The following WDR44 variants were observed in gnomAD, a reference collection of about 807,000 sequenced individuals.
The protein encoded by WDR44 is WD repeat domain 44, also known as WD repeat-containing protein 44.
Under a neutral mutation model 65.7 loss-of-function variants are expected in WDR44, and 9 were observed. The ratio of observed to expected loss-of-function variants is 0.14; its 90% CI spans 0.08 to 0.24. WDR44 has a LOEUF of 0.24. Ranked by LOEUF, WDR44 falls within the 10% of genes least tolerant of loss-of-function variation. The probability of loss-of-function intolerance (pLI) is 1.00; values close to 1 mark genes in which losing one functional copy is unlikely to be tolerated. For missense variants in WDR44, 425 were observed against 670.9 expected (o/e 0.63, Z 4.05); for synonymous variants, 220 against 235.2 (o/e 0.94, Z 0.59).
At chrX:118,436,633 C>T in intron 13 of WDR44, 69 bp from the exon 14 acceptor site, 1 of 1,133,585 alleles carries the variant, frequency 8.8e-7, no homozygotes, top group South Asian at 2.0e-5. Context: ...ACCAAAAGTT[C>T]ACTTTTATTG....
intron 14 of WDR44, among the ~76,000 whole-genome samples, chrX:118,438,411 C>CTTTCT (rs200762627): frequency 7.3e-4 from 79 of 108,066 alleles, no homozygotes; most frequent in South Asian, 8.0e-4. Context: ...TTTTCTTTCT[C>CTTTCT]TTTCTTTTCT....
intron 12 of WDR44, among the ~76,000 whole-genome samples, chrX:118,422,555 G>A (rs941934034): frequency 9.1e-6 from 1 of 110,228 alleles, no homozygotes; most frequent in Non-Finnish European, 1.9e-5. Context: ...AGCTGGGCAT[G>A]GTGGCATGTG....
chrX:118,346,136 T>G lies in WDR44; in HGVS notation c.-368T>G, dbSNP rs1164108240. On this transcript the variant is annotated 5_prime_UTR_variant, in exon 1 of 20. Transcript: ENST00000254029. ...TTTGCGGGCAACTAGCTCTTCCAGC[T>G]GCTGTAAATTGCTGCTGCGGGAGAA... 6.7e-6 allele frequency: 2 copies of G among 300,184 alleles called. No individual in the cohort carries two copies. The highest frequency in any genetic ancestry group is 5.5e-5 in the African/African-American group (2 of 36,464). 24.7% of individuals were successfully genotyped at this position (300,184 alleles called of 1,213,427 possible). A position where few individuals can be genotyped will look rare whatever the true frequency, so the allele number is the denominator to read the frequency against.
At chrX:118,369,492 T>C (rs6646177) in intron 1 of WDR44, among the ~76,000 whole-genome samples, 4,228 of 57,368 alleles carry the variant, frequency 0.074, 328 homozygotes, top group East Asian at 0.27. Flanking sequence ...TTTTTTGAAA[T>C]GGAGTCTTGC....
chrX:118,372,203 T>C (rs4292883), intron 1 of WDR44, among the ~76,000 whole-genome samples: 12,513 of 110,376 alleles, frequency 0.11, 679 homozygotes, highest in Admixed American at 0.25. Context: ...ATGTCTCCAC[T>C]CTCAAACTAA....
intron 14 of WDR44, among the ~76,000 whole-genome samples, chrX:118,439,619 T>C (rs774951900): frequency 1.8e-5 from 2 of 111,081 alleles, no homozygotes; most frequent in South Asian, 7.7e-4. Context: ...TACATAGATG[T>C]ATGTATGTGA....
intron 15 of WDR44, among the ~76,000 whole-genome samples, 163 bp downstream of exon 15, chrX:118,441,722 A>T (rs746882095): frequency 9.0e-6 from 1 of 111,242 alleles, no homozygotes; most frequent in Non-Finnish European, 1.9e-5. Flanking sequence ...GACTTTTGAG[A>T]TGTCTTCTAA....
intron 1 of WDR44, among the ~76,000 whole-genome samples, chrX:118,361,299 C>T (rs375608127): frequency 8.9e-6 from 1 of 111,794 alleles, no homozygotes; most frequent in East Asian, 2.8e-4. Context: ...TTCATGTGTT[C>T]GTTTTTAAAT....
chrX:118,352,352 A>ATTTTTTTT (rs556374639), intron 1 of WDR44, among the ~76,000 whole-genome samples: 1 of 14,224 alleles, frequency 7.0e-5, no homozygotes, highest in African/African-American at 3.7e-4. Flanking sequence ...ATATATATAT[A>ATTTTTTTT]TTTTTTTTTT....
chrX:118,444,545 C>T (rs1477754066), intron 19 of WDR44, 51 bp downstream of exon 19: 3 of 1,136,936 alleles, frequency 2.6e-6, no homozygotes, highest in Middle Eastern at 2.5e-4. Context: ...TTAGTAGCCT[C>T]ATTTATCTCA....
At chrX:118,442,127 G>A (rs1041651641) in intron 15 of WDR44, 117 bp from the exon 16 acceptor site, 4 of 560,132 alleles carry the variant, frequency 7.1e-6, no homozygotes, top group African/African-American at 2.3e-5. Context: ...CTACAGCCTC[G>A]AACTCTTGGG....
intron 1 of WDR44, among the ~76,000 whole-genome samples, chrX:118,369,533 G>A (rs1162052797): frequency 1.6e-4 from 13 of 82,114 alleles, no homozygotes; most frequent in Non-Finnish European, 3.1e-4. Flanking sequence ...GCAGTGGCGG[G>A]ATCTCGGCTC....
At chrX:118,349,042 T>A (rs2056378760) in intron 1 of WDR44, among the ~76,000 whole-genome samples, 2 of 111,941 alleles carry the variant, frequency 1.8e-5, no homozygotes, top group African/African-American at 6.5e-5. Context: ...TCCAATGATG[T>A]CTTCGGCTTT....
intron 2 of WDR44, 95 bp from the exon 3 acceptor site, chrX:118,387,245 T>C (rs2056779184): frequency 2.0e-6 from 1 of 488,752 alleles, no homozygotes; most frequent in African/African-American, 2.6e-5. Flanking sequence ...CTTTGATTTA[T>C]TAATGCTACA....
chrX:118,393,970 G>A (rs2056843523), intron 4 of WDR44, 85 bp from the exon 5 acceptor site: 1 of 882,941 alleles, frequency 1.1e-6, no homozygotes, highest in Non-Finnish European at 1.6e-6. Flanking sequence ...GGAAATGAGA[G>A]TAATCAAGCC....
Position 118,346,454 on chromosome X carries a change from C to G in WDR44, c.-50C>G, listed in dbSNP as rs1441274598. The G allele has an allele frequency of 8.9e-7, 1 of 1,120,436 alleles. No individual in the cohort carries two copies. The highest frequency in any genetic ancestry group is 1.2e-6 in the Non-Finnish European group (1 of 813,441). The allele number at this position is 1,120,436 out of a possible 1,213,427, so 92.3% of individuals were successfully genotyped here. A position where few individuals can be genotyped will look rare whatever the true frequency, so the allele number is the denominator to read the frequency against. ...GTCGACGAGGAGGAGACAAGAGTCACCCTTCCTCCAGGCGGCGCCGGCCCC... is the reference window on the plus strand; with the variant it reads ...GTCGACGAGGAGGAGACAAGAGTCAGCCTTCCTCCAGGCGGCGCCGGCCCC... On this transcript the variant is annotated 5_prime_UTR_variant, in exon 1 of 20. Transcript: ENST00000254029.
chrX:118,422,139 A>C (rs1316916749), intron 12 of WDR44, among the ~76,000 whole-genome samples: 1 of 111,383 alleles, frequency 9.0e-6, no homozygotes. Context: ...CATGCCTATA[A>C]TCCCAGCACT....
intron 2 of WDR44, among the ~76,000 whole-genome samples, chrX:118,385,653 A>T (rs1340458993): frequency 9.0e-6 from 1 of 111,423 alleles, no homozygotes; most frequent in Non-Finnish European, 1.9e-5. Context: ...CCTGAACTTA[A>T]AGTTAAAAAA....
intron 2 of WDR44, among the ~76,000 whole-genome samples, chrX:118,379,218 A>ATT (rs1452407440): frequency 9.0e-6 from 1 of 111,131 alleles, no homozygotes; most frequent in Non-Finnish European, 1.9e-5. Context: ...CATTTTAAGT[A>ATT]TAAGATATCA....
Sources: allele counts gnomAD v4.1 joint callset (sites outside exome capture counted in the v4.1 genomes callset), GRCh38; gene constraint gnomAD v4.1.1; transcripts MANE v1.5; gene names NCBI Gene and HGNC (gene_info 2026-07-23, HGNC 2026-07-21).